FANCC: variants seen among roughly 807,000 people sequenced by gnomAD.
FANCC encodes the protein Fanconi anemia group C protein.
Under a neutral mutation model 71.3 loss-of-function variants are expected in FANCC, and 55 were observed. That is an observed-to-expected ratio of 0.77 (90% CI 0.62 to 0.97). The LOEUF (loss-of-function observed/expected upper bound fraction) is 0.97, where lower values mean the gene tolerates loss of function less well. FANCC is among the 50% of genes least tolerant of loss of function. The pLI is 0.00. For missense variants in FANCC, 678 were observed against 670.9 expected (o/e 1.01, Z -0.12); for synonymous variants, 275 against 244.9 (o/e 1.12, Z -1.15).
chr9:95,253,029 C>T (rs933075742), intron 1 of FANCC, among the ~76,000 whole-genome samples: 7 of 152,078 alleles, frequency 4.6e-5, no homozygotes, highest in African/African-American at 1.7e-4. Flanking sequence ...CTGCACTCCA[C>T]ACTCCAGCCT....
chr9:95,216,472 T>C (rs750165381), intron 4 of FANCC, among the ~76,000 whole-genome samples: 14 of 152,238 alleles, frequency 9.2e-5, no homozygotes, highest in Non-Finnish European at 1.3e-4. Context: ...AACACTATTA[T>C]TGGTAGACAA....
intron 6 of FANCC, among the ~76,000 whole-genome samples, chr9:95,151,758 A>G (rs1435024368): frequency 6.6e-6 from 1 of 151,662 alleles, no homozygotes; most frequent in South Asian, 2.1e-4. Flanking sequence ...AGAAACCCCA[A>G]CTCTACAAAA....
chr9:95,289,109 AATG>A (rs1211711033), intron 1 of FANCC, among the ~76,000 whole-genome samples: 2 of 152,160 alleles, frequency 1.3e-5, no homozygotes, highest in African/African-American at 4.8e-5. Flanking sequence ...CTCTAGAAAT[AATG>A]ATAATAAGAA....
At chr9:95,300,569 G>T (rs1291137788) in intron 1 of FANCC, among the ~76,000 whole-genome samples, 1 of 151,786 alleles carries the variant, frequency 6.6e-6, no homozygotes, top group Non-Finnish European at 1.5e-5. Flanking sequence ...TCTTGCCTCA[G>T]CCTCCTGAGT....
intron 6 of FANCC, among the ~76,000 whole-genome samples, chr9:95,164,287 T>A (rs1830934117): frequency 6.6e-6 from 1 of 152,230 alleles, no homozygotes; most frequent in South Asian, 2.1e-4. Context: ...TTATTTCTTT[T>A]TCTTGCCCAA....
chr9:95,227,406 C>T (rs1217898381), intron 4 of FANCC, among the ~76,000 whole-genome samples: 4 of 152,200 alleles, frequency 2.6e-5, no homozygotes, highest in African/African-American at 9.6e-5. Context: ...AAACCACAGA[C>T]ACAAGCTACA....
chr9:95,295,582 G>A (rs1196150852), intron 1 of FANCC, among the ~76,000 whole-genome samples: 2 of 152,028 alleles, frequency 1.3e-5, no homozygotes, highest in African/African-American at 2.4e-5. Flanking sequence ...ACCAGCCTAG[G>A]CAACAGAGCA....
intron 3 of FANCC, among the ~76,000 whole-genome samples, chr9:95,240,968 T>C (rs1014211466): frequency 1.3e-5 from 2 of 152,232 alleles, no homozygotes; most frequent in African/African-American, 4.8e-5. Context: ...TCCTTCAGAA[T>C]TCCCTAAACT....
chr9:95,208,901 A>G (rs1271155344), intron 4 of FANCC, among the ~76,000 whole-genome samples: 1 of 152,144 alleles, frequency 6.6e-6, no homozygotes, highest in African/African-American at 2.4e-5. Flanking sequence ...TTTACCCAAA[A>G]GAGTTGAAAA....
intron 4 of FANCC, among the ~76,000 whole-genome samples, chr9:95,228,696 T>C (rs1564773863): frequency 1.3e-5 from 2 of 152,002 alleles, no homozygotes; most frequent in Non-Finnish European, 2.9e-5. Context: ...CCCAGGATGA[T>C]GAGGCAGGCC....
chr9:95,120,874 T>C (rs1160686872), intron 10 of FANCC, among the ~76,000 whole-genome samples: 1 of 152,224 alleles, frequency 6.6e-6, no homozygotes. Flanking sequence ...TTCCCCTCAA[T>C]TTTTTTGTTC....
chr9:95,136,951 C>T (rs548380293), intron 7 of FANCC, among the ~76,000 whole-genome samples: 10 of 152,318 alleles, frequency 6.6e-5, no homozygotes, highest in African/African-American at 1.9e-4. Context: ...GAGCTGCCCC[C>T]GAGAGCCACC....
In FANCC at chr9:95,149,967, G is replaced by T. The variant is rs777274497; in HGVS notation, c.642C>A (p.Ile214=). Residue 214 remains isoleucine (I), a synonymous_variant, in exon 7 of 15, where the codon ATC becomes ATA. Transcript: ENST00000289081. ...LICHGREPQE[I]LQPEFFEAVN... ...CAGCCTCAAAGAACTCTGGCTGGAGGATTTCCTGAGGTTCACGTCCATGAC... is the reference window on the plus strand; with the variant it reads ...CAGCCTCAAAGAACTCTGGCTGGAGTATTTCCTGAGGTTCACGTCCATGAC... 6.2e-7 allele frequency: 1 copy of T among 1,612,398 alleles called. No individual in the cohort carries two copies. The highest frequency in any genetic ancestry group is 1.7e-5 in the Admixed American group (1 of 59,704).
Position 95,099,316 on chromosome 9 carries a change from T to G in FANCC, c.*2391A>C, listed in dbSNP as rs2071004916. 1 of 225,758 alleles carries G rather than the reference T, an allele frequency of 4.4e-6. No homozygotes were observed. Among genetic ancestry groups the G allele is most frequent in the East Asian group, 6.4e-5 (1 of 15,736 alleles). 14.0% of individuals were successfully genotyped at this position (225,758 alleles called of 1,614,324 possible). On this transcript the variant is annotated 3_prime_UTR_variant, in exon 15 of 15. Coordinates refer to ENST00000289081, the MANE Select transcript of FANCC (RefSeq NM_000136.3). Reference sequence around the variant, plus strand: ...GTCAGATTCCAGACCCTGTCGCACCTCTGAAGACCTTGGTCCAGTTCCTTC... The same window carrying G: ...GTCAGATTCCAGACCCTGTCGCACCGCTGAAGACCTTGGTCCAGTTCCTTC...
chr9:95,252,285 AAAAAAAAAAG>A (rs1168677529), intron 1 of FANCC, among the ~76,000 whole-genome samples: 173 of 149,772 alleles, frequency 1.2e-3, no homozygotes, highest in Non-Finnish European at 1.9e-3. Flanking sequence ...AAAAAAAAAA[AAAAAAAAAAG>A]AAAAAAAAAA....
intron 1 of FANCC, among the ~76,000 whole-genome samples, chr9:95,300,849 G>A (rs1242187136): frequency 6.6e-6 from 1 of 152,166 alleles, no homozygotes; most frequent in African/African-American, 2.4e-5. Context: ...GCGACTGGGG[G>A]CTGGAAAGAG....
chr9:95,295,295 G>C (rs1021378542), intron 1 of FANCC, among the ~76,000 whole-genome samples: 1 of 151,972 alleles, frequency 6.6e-6, no homozygotes, highest in Non-Finnish European at 1.5e-5. Flanking sequence ...CATCTGAGAA[G>C]GTGTTAATAT....
chr9:95,295,948 TAA>T (rs1193893636), intron 1 of FANCC, among the ~76,000 whole-genome samples: 1 of 152,060 alleles, frequency 6.6e-6, no homozygotes, highest in Non-Finnish European at 1.5e-5. Context: ...AAAAATGTAC[TAA>T]AAGAGTAGAG....
chr9:95,214,601 C>T (rs1388662628), intron 4 of FANCC, among the ~76,000 whole-genome samples: 1 of 152,168 alleles, frequency 6.6e-6, no homozygotes, highest in African/African-American at 2.4e-5. Flanking sequence ...TAGAGGCAAC[C>T]CAAGTGTCCA....
Sources: gnomAD v4.1 joint callset for allele counts (sites outside exome capture counted in the v4.1 genomes callset) on GRCh38, gnomAD v4.1.1 for gene constraint, MANE v1.5 for transcripts, NCBI Gene and HGNC (gene_info 2026-07-23, HGNC 2026-07-21) for gene names.